The following LRRC36 variants were observed in gnomAD, a reference collection of about 807,000 sequenced individuals.
LRRC36 encodes the protein leucine-rich repeat-containing protein 36.
In LRRC36, 62 loss-of-function variants were observed where a neutral mutation model predicts 81.1. The observed-to-expected ratio is 0.76, with a 90% CI of 0.62 to 0.94. The LOEUF is 0.94. Ranked by LOEUF, LRRC36 falls within the 40% of genes least tolerant of loss-of-function variation. The probability of loss-of-function intolerance (pLI) is 0.00; values close to 1 mark genes in which losing one functional copy is unlikely to be tolerated. For missense variants in LRRC36, 761 were observed against 881.7 expected (o/e 0.86, Z 1.73); for synonymous variants, 334 against 348.6 (o/e 0.96, Z 0.47).
At chr16:67,338,280 T>C (rs2037857729) in intron 1 of LRRC36, among the ~76,000 whole-genome samples, 1 of 152,078 alleles carries the variant, frequency 6.6e-6, no homozygotes, top group Non-Finnish European at 1.5e-5. Context: ...AATAAAAAAA[T>C]AGTGAGGAAA....
At chr16:67,379,858 C>T (rs1217860842) in intron 12 of LRRC36, among the ~76,000 whole-genome samples, 1 of 152,158 alleles carries the variant, frequency 6.6e-6, no homozygotes, top group African/African-American at 2.4e-5. Context: ...CTACTCTTGA[C>T]CTCAAGTAAT....
intron 2 of LRRC36, among the ~76,000 whole-genome samples, chr16:67,344,205 G>GT (rs1184412951): frequency 3.3e-5 from 5 of 152,134 alleles, no homozygotes; most frequent in African/African-American, 1.2e-4. Flanking sequence ...TATTTGTAGC[G>GT]TAACTTTGGG....
rs570560035 is a variant in LRRC36, at chr16:67,344,511, C to T, written c.199-1745C>T. On this transcript the variant is annotated intron_variant, in intron 2 of 13. Coordinates refer to ENST00000329956, the MANE Select transcript of LRRC36 (RefSeq NM_018296.6). ...TTGGGAGGCTGAAGCAGGAGGATCCCTTGCCCTAGGAGTTCAAGGCTGCAG... is the reference window on the plus strand; with the variant it reads ...TTGGGAGGCTGAAGCAGGAGGATCCTTTGCCCTAGGAGTTCAAGGCTGCAG... Among the ~76,000 whole-genome samples the T allele has an allele frequency of 1.7e-4, 26 of 152,238 alleles. No homozygotes were observed. The South Asian group carries it at 2.3e-3, about 13-fold the overall frequency.
intron 9 of LRRC36, chr16:67,371,495 G>A (rs1056555477): frequency 1.9e-6 from 1 of 516,758 alleles, no homozygotes; most frequent in African/African-American, 1.9e-5. Flanking sequence ...TCCGGCTGAA[G>A]ATTGAACTCT....
At chr16:67,359,285 T>C (rs1307621721) in intron 5 of LRRC36, among the ~76,000 whole-genome samples, 1 of 152,194 alleles carries the variant, frequency 6.6e-6, no homozygotes, top group Non-Finnish European at 1.5e-5. Context: ...AAATATGATA[T>C]ATCCATATTC....
At chr16:67,361,009 C>T (rs922595376) in intron 5 of LRRC36, among the ~76,000 whole-genome samples, 7 of 152,150 alleles carry the variant, frequency 4.6e-5, no homozygotes, top group East Asian at 1.9e-4. Flanking sequence ...AGTGGAAAAA[C>T]GTTTGTACAA....
Position 67,326,834 on chromosome 16 carries a change from G to T in LRRC36, c.-29G>T, listed in dbSNP as rs777391563. On this transcript the variant is annotated 5_prime_UTR_variant, in exon 1 of 14. Coordinates refer to ENST00000329956, the MANE Select transcript of LRRC36 (RefSeq NM_018296.6). ...CCTGGCGTGCGCCGGGTGGTCTCGCGGGCGGTGGCAGGTGAGCGGCGGGCG... is the reference window on the plus strand; with the variant it reads ...CCTGGCGTGCGCCGGGTGGTCTCGCTGGCGGTGGCAGGTGAGCGGCGGGCG... The T allele has an allele frequency of 9.2e-6, 13 of 1,414,482 alleles. No individual in the cohort carries two copies. The South Asian group carries it at 1.1e-4, about 12-fold the overall frequency. 87.6% of individuals were successfully genotyped at this position (1,414,482 alleles called of 1,614,324 possible). A position where few individuals can be genotyped will look rare whatever the true frequency, so the allele number is the denominator to read the frequency against.
At chr16:67,362,942 C>T (rs546686499) in intron 5 of LRRC36, among the ~76,000 whole-genome samples, 2 of 151,986 alleles carry the variant, frequency 1.3e-5, no homozygotes, top group Non-Finnish European at 2.9e-5. Flanking sequence ...CACTCCCGGC[C>T]CGGCTAATTT....
chr16:67,342,651 C>T (rs917944309), intron 2 of LRRC36, among the ~76,000 whole-genome samples: 5 of 152,256 alleles, frequency 3.3e-5, no homozygotes, highest in South Asian at 4.2e-4. Flanking sequence ...TTAGCAAACA[C>T]GCACAAAGAA....
At position 67,359,508 on chromosome 16, in the gene LRRC36, G is replaced by T. The variant is rs1046547223; in HGVS notation, c.578-4082G>T. On this transcript the variant is annotated intron_variant, in intron 5 of 13. Coordinates refer to ENST00000329956, the MANE Select transcript of LRRC36 (RefSeq NM_018296.6). ...AAAAATTGGGAATGACAGCTATGGG[G>T]TTTCTTTTGGGGGTGATGAAATATT... is the stretch of plus-strand genomic sequence containing the variant. Among the ~76,000 whole-genome samples, 16 of 152,292 alleles carry T rather than the reference G, an allele frequency of 1.1e-4. No individual in the cohort carries two copies. The South Asian group carries it at 2.9e-3, about 28-fold the overall frequency.
In LRRC36 at chr16:67,341,704, T is replaced by G. The variant is rs1364924582; in HGVS notation, c.71-253T>G. Among the ~76,000 whole-genome samples the G allele has an allele frequency of 2.6e-5, 4 of 152,140 alleles. No homozygotes were observed. In the East Asian group the frequency reaches 7.7e-4, roughly 29 times the overall value. ...TTGCTGAATATCTTTTGAAATTTTG[T>G]TTTGAGAACTTTTGGAGACTTTTAG... On this transcript the variant is annotated intron_variant, in intron 1 of 13. Coordinates refer to ENST00000329956, the MANE Select transcript of LRRC36 (RefSeq NM_018296.6).
chr16:67,358,842 A>T (rs1171820840), intron 5 of LRRC36, among the ~76,000 whole-genome samples: 21 of 152,128 alleles, frequency 1.4e-4, no homozygotes, highest in Admixed American at 1.4e-3. Flanking sequence ...AGGAGATACC[A>T]CTTCACATCC....
chr16:67,335,436 T>A (rs946152915), intron 1 of LRRC36, among the ~76,000 whole-genome samples: 2 of 152,212 alleles, frequency 1.3e-5, no homozygotes, highest in African/African-American at 4.8e-5. Context: ...ATTGCTGTTA[T>A]CCTGTTCTTT....
At chr16:67,378,773 A>C in intron 12 of LRRC36, 61 bp downstream of exon 12, 1 of 1,566,038 alleles carries the variant, frequency 6.4e-7, no homozygotes, top group East Asian at 2.3e-5. Flanking sequence ...TTTATAGATG[A>C]CCCATTTAGT....
chr16:67,358,836 G>C (rs2039022253), intron 5 of LRRC36, among the ~76,000 whole-genome samples: 1 of 152,076 alleles, frequency 6.6e-6, no homozygotes, highest in South Asian at 2.1e-4. Flanking sequence ...ACTACAAGGA[G>C]ATACCACTTC....
At chr16:67,377,749 C>G (rs1029650453) in intron 11 of LRRC36, among the ~76,000 whole-genome samples, 1 of 152,056 alleles carries the variant, frequency 6.6e-6, no homozygotes, top group South Asian at 2.1e-4. Flanking sequence ...ATTCTCCTGC[C>G]TCAGCCTCCC....
At chr16:67,342,872 A>G (rs768889797) in intron 2 of LRRC36, among the ~76,000 whole-genome samples, 1 of 152,132 alleles carries the variant, frequency 6.6e-6, no homozygotes, top group Admixed American at 6.5e-5. Context: ...CCAGTTTTGC[A>G]CTTCCTAGGG....
intron 13 of LRRC36, among the ~76,000 whole-genome samples, chr16:67,383,696 A>C (rs1228611529): frequency 6.6e-6 from 1 of 152,244 alleles, no homozygotes; most frequent in Non-Finnish European, 1.5e-5. Context: ...TTCTTAGGGA[A>C]TTTTAAAAAT....
At chr16:67,341,832 C>A in intron 1 of LRRC36, 125 bp from the exon 2 acceptor site, 1 of 568,514 alleles carries the variant, frequency 1.8e-6, no homozygotes, top group Non-Finnish European at 2.9e-6. Flanking sequence ...AAGATCTGAT[C>A]TTATGAGGCT....
Sources: allele counts gnomAD v4.1 joint callset (sites outside exome capture counted in the v4.1 genomes callset), GRCh38; gene constraint gnomAD v4.1.1; transcripts MANE v1.5; gene names NCBI Gene and HGNC (gene_info 2026-07-23, HGNC 2026-07-21).